Variants in IPCEF1 observed in about 807,000 individuals in gnomAD.
IPCEF1 encodes interactor protein for cytohesin exchange factors 1.
In IPCEF1, 31 loss-of-function variants were observed where a neutral mutation model predicts 50.9. That is an observed-to-expected ratio of 0.61 (90% CI 0.46 to 0.82). The LOEUF (loss-of-function observed/expected upper bound fraction) is 0.82. Ranked by LOEUF, IPCEF1 falls within the 40% of genes least tolerant of loss-of-function variation. The pLI, the probability that IPCEF1 is intolerant of heterozygous loss-of-function variation, is 0.00. For missense variants in IPCEF1, 458 were observed against 514.0 expected (o/e 0.89, Z 1.05); for synonymous variants, 181 against 192.0 (o/e 0.94, Z 0.47).
At position 154,294,152 on chromosome 6, in the gene IPCEF1, T is replaced by C. The variant is rs1257693074; in HGVS notation, c.-61-4396A>G. Among the ~76,000 whole-genome samples the C allele has an allele frequency of 2.6e-5, 4 of 152,196 alleles. No homozygotes were observed. The East Asian group carries it at 5.8e-4, about 22-fold the overall frequency. ...CTCACAATCCTCTTAAAGCAAAGAA[T>C]GACATTGGGGCCCAATTCTTTTATT... is the stretch of plus-strand genomic sequence containing the variant. On this transcript the variant is annotated intron_variant, in intron 1 of 11. Coordinates refer to ENST00000367220, the MANE Select transcript of IPCEF1 (RefSeq NM_001130700.2).
At chr6:154,249,976 C>T (rs1284605961) in intron 3 of IPCEF1, among the ~76,000 whole-genome samples, 1 of 151,322 alleles carries the variant, frequency 6.6e-6, no homozygotes, top group Non-Finnish European at 1.5e-5. Context: ...CAACCCTGTT[C>T]TGACAATAAT....
In IPCEF1 at chr6:154,180,414, A is replaced by ATATATT. The variant is rs1241250621; in HGVS notation, c.911-12302_911-12301insAATATA. Among the ~76,000 whole-genome samples, 183 of 65,198 alleles carry ATATATT rather than the reference A, an allele frequency of 2.8e-3. 2 individuals carry two copies. Among genetic ancestry groups the ATATATT allele is most frequent in the African/African-American group, 7.3e-3 (151 of 20,794 alleles). 42.8% of individuals were successfully genotyped at this position (65,198 alleles called of 152,430 possible). On this transcript the variant is annotated intron_variant, in intron 10 of 11. Coordinates refer to ENST00000367220, the MANE Select transcript of IPCEF1 (RefSeq NM_001130700.2). ...TATATATATATATATATATATATAT[A>ATATATT]TTTTTTTTTTAAACATGATCCTTCT... is the stretch of plus-strand genomic sequence containing the variant.
intron 1 of IPCEF1, among the ~76,000 whole-genome samples, chr6:154,304,055 C>T (rs1782867413): frequency 6.7e-6 from 1 of 148,392 alleles, no homozygotes; most frequent in Non-Finnish European, 1.5e-5. Context: ...GAAGATCCCA[C>T]TTTTGTAAAA....
chr6:154,209,137 T>C (rs1272404382), intron 9 of IPCEF1, among the ~76,000 whole-genome samples: 1 of 152,246 alleles, frequency 6.6e-6, no homozygotes, highest in Non-Finnish European at 1.5e-5. Context: ...ATGATTAGAC[T>C]GAATTAAATA....
At position 154,299,038 on chromosome 6, in the gene IPCEF1, A is replaced by G. The variant is rs896324733; in HGVS notation, c.-61-9282T>C. Among the ~76,000 whole-genome samples, 6 of 141,648 alleles carry G rather than the reference A, an allele frequency of 4.2e-5. 2 individuals are homozygous for G. The highest frequency in any genetic ancestry group is 7.9e-5 in the Non-Finnish European group (5 of 63,026). 92.9% of individuals were successfully genotyped at this position (141,648 alleles called of 152,430 possible). ...CATAATCTAAGGAAGAAGAATGCCA[A>G]TGTTCCTCTTTATCCCAGGATGTTA... is the stretch of plus-strand genomic sequence containing the variant. On this transcript the variant is annotated intron_variant, in intron 1 of 11. Coordinates refer to ENST00000367220, the MANE Select transcript of IPCEF1 (RefSeq NM_001130700.2).
At chr6:154,260,692 C>T (rs577525410) in intron 3 of IPCEF1, among the ~76,000 whole-genome samples, 1 of 152,194 alleles carries the variant, frequency 6.6e-6, no homozygotes, top group African/African-American at 2.4e-5. Flanking sequence ...AGGATGGTCT[C>T]AATCTCCTGA....
At chr6:154,354,489 TA>T (rs1784179328) in intron 1 of IPCEF1, among the ~76,000 whole-genome samples, 1 of 26,138 alleles carries the variant, frequency 3.8e-5, no homozygotes, top group Non-Finnish European at 8.0e-5. Flanking sequence ...CCACCATCTC[TA>T]CCGTCACTTC....
intron 10 of IPCEF1, among the ~76,000 whole-genome samples, chr6:154,172,600 A>G (rs1799965212): frequency 6.6e-6 from 1 of 152,194 alleles, no homozygotes. Context: ...GGCATCCACC[A>G]TTGCTGAGGC....
intron 10 of IPCEF1, among the ~76,000 whole-genome samples, chr6:154,180,759 A>G (rs1800804805): frequency 6.6e-6 from 1 of 152,232 alleles, no homozygotes; most frequent in African/African-American, 2.4e-5. Flanking sequence ...GATTCAGAAG[A>G]CAGGAGGGGA....
rs1037628858 is a variant in IPCEF1, at chr6:154,336,245, T to C, written c.-62+20427A>G. On this transcript the variant is annotated intron_variant, in intron 1 of 11. Transcript: ENST00000367220. ...ATGTTTATTGTAGCACTATCCACAA[T>C]AGCAAAGATATGGAATCAACCTAAG... 2.0e-5 allele frequency among the ~76,000 whole-genome samples: 3 copies of C among 152,254 alleles called. No homozygotes were observed. In the East Asian group the frequency reaches 5.8e-4, roughly 29 times the overall value.
chr6:154,348,436 A>G (rs984415224), intron 1 of IPCEF1, among the ~76,000 whole-genome samples: 1 of 152,234 alleles, frequency 6.6e-6, no homozygotes, highest in Non-Finnish European at 1.5e-5. Context: ...CCAAGAGGCA[A>G]TACTAATTCA....
At chr6:154,186,929 C>T (rs577747832) in intron 10 of IPCEF1, among the ~76,000 whole-genome samples, 14 of 152,110 alleles carry the variant, frequency 9.2e-5, no homozygotes, top group Non-Finnish European at 1.5e-4. Flanking sequence ...AGCCACTTCC[C>T]CTCCCACTTT....
intron 10 of IPCEF1, among the ~76,000 whole-genome samples, chr6:154,171,792 G>A (rs1799892799): frequency 6.6e-6 from 1 of 152,176 alleles, no homozygotes; most frequent in Non-Finnish European, 1.5e-5. Context: ...CTGAAGGGGG[G>A]CATTAGGATT....
chr6:154,255,977 TA>T (rs199874190), intron 3 of IPCEF1, among the ~76,000 whole-genome samples: 1 of 152,238 alleles, frequency 6.6e-6, no homozygotes, highest in African/African-American at 2.4e-5. Flanking sequence ...TTATTTAATT[TA>T]AAATGAAGCT....
intron 1 of IPCEF1, among the ~76,000 whole-genome samples, chr6:154,332,275 T>TTG (rs1390539464): frequency 7.1e-6 from 1 of 141,604 alleles, no homozygotes; most frequent in Non-Finnish European, 1.5e-5. Flanking sequence ...AACTGTTTTT[T>TTG]TGTGTGTGAG....
At chr6:154,255,965 TTTTA>T (rs1300495868) in intron 3 of IPCEF1, among the ~76,000 whole-genome samples, 4 of 152,180 alleles carry the variant, frequency 2.6e-5, no homozygotes, top group African/African-American at 9.7e-5. Context: ...GCTTTTAACT[TTTTA>T]TTTAATTTAA....
intron 1 of IPCEF1, among the ~76,000 whole-genome samples, chr6:154,315,520 A>C (rs1391425702): frequency 6.6e-6 from 1 of 152,212 alleles, no homozygotes. Flanking sequence ...GTTATAAGGC[A>C]TAAGGCAAGA....
rs1799635254 is a variant in IPCEF1 at position 154,168,743 on chromosome 6, T to C, written c.911-630A>G. The stretch of plus-strand genomic sequence containing the variant: ...GTCTCAGCCTCCCAAGTAGCTGGGA[T>C]TACAGGCACCTGCCACCATGCCCGG... On this transcript the variant is annotated intron_variant, in intron 10 of 11. Coordinates refer to ENST00000367220, the MANE Select transcript of IPCEF1 (RefSeq NM_001130700.2). This position sits in a 1 kb window ranked among gnomAD's most constrained non-coding sequence, Gnocchi z 4.1. Among the ~76,000 whole-genome samples, 1 of 151,996 alleles carries C rather than the reference T, an allele frequency of 6.6e-6. No individual in the cohort carries two copies. The highest frequency in any genetic ancestry group is 6.6e-5 in the Admixed American group (1 of 15,264).
At chr6:154,305,270 A>G (rs937746117) in intron 1 of IPCEF1, among the ~76,000 whole-genome samples, 8 of 152,156 alleles carry the variant, frequency 5.3e-5, no homozygotes, top group Non-Finnish European at 1.2e-4. Flanking sequence ...GGTGCATGTC[A>G]TCTGCTTTTC....
Sources: gnomAD v4.1 joint callset for allele counts (sites outside exome capture counted in the v4.1 genomes callset) on GRCh38, gnomAD v4.1.1 for gene constraint, Gnocchi (gnomAD v3.1) non-coding constraint, MANE v1.5 for transcripts, NCBI Gene and HGNC (gene_info 2026-07-23, HGNC 2026-07-21) for gene names.